The following TAFA2 variants were observed in gnomAD, a reference collection of about 807,000 sequenced individuals.
TAFA2 encodes TAFA chemokine like family member 2, also known as chemokine-like protein TAFA-2.
Under a neutral mutation model 18.8 loss-of-function variants are expected in TAFA2, and 7 were observed. That is an observed-to-expected ratio of 0.37 (90% confidence interval 0.21 to 0.70). The LOEUF is 0.70. Among genes scored for constraint, TAFA2 ranks in the 30% least tolerant of loss-of-function variants. The pLI is 0.53. For synonymous variants in TAFA2, 60 were observed against 54.2 expected, an observed-to-expected ratio of 1.11 and a Z score of -0.47; for missense variants, 122 against 158.1, an observed-to-expected ratio of 0.77 and a Z score of 1.23.
At position 61,881,807 on chromosome 12, in the gene TAFA2, A is replaced by T. The variant is rs868325372; in HGVS notation, c.-1-14381T>A. ...AATCTCATTTTAAAGAACATTCTGC[A>T]TGTCAAATACAGCCTGGGGGCCACC... On this transcript the variant is annotated intron_variant, in intron 1 of 4. Transcript: ENST00000416284. 5.9e-5 allele frequency among the ~76,000 whole-genome samples: 9 copies of T among 152,198 alleles called. No homozygotes were observed. The Middle Eastern group carries it at 0.01, about 173-fold the overall frequency.
At chr12:62,251,203 C>A (rs2062912146) in intron 1 of TAFA2, among the ~76,000 whole-genome samples, 1 of 151,968 alleles carries the variant, frequency 6.6e-6, no homozygotes, top group East Asian at 1.9e-4. Context: ...TATGCAGTGG[C>A]AAAACATTTG....
chr12:62,195,193 C>T (rs1205043725), upstream of TAFA2, among the ~76,000 whole-genome samples: 1 of 152,200 alleles, frequency 6.6e-6, no homozygotes, highest in East Asian at 1.9e-4. Context: ...GCATTTTATC[C>T]ACAGTAGAAC....
intron 4 of TAFA2, among the ~76,000 whole-genome samples, chr12:61,737,654 A>C (rs1253668644): frequency 6.6e-6 from 1 of 151,970 alleles, no homozygotes; most frequent in East Asian, 1.9e-4. Context: ...CACTGCTATG[A>C]AGGTTAAGTG....
At chr12:62,044,706 T>G (rs1420860938) in intron 1 of TAFA2, among the ~76,000 whole-genome samples, 2 of 152,126 alleles carry the variant, frequency 1.3e-5, no homozygotes, top group East Asian at 3.8e-4. Context: ...GCCAACTGGT[T>G]TTGGAAAAGT....
chr12:61,986,739 A>G (rs1879834126), intron 1 of TAFA2, among the ~76,000 whole-genome samples: 3 of 152,214 alleles, frequency 2.0e-5, no homozygotes, highest in Non-Finnish European at 2.9e-5. Flanking sequence ...AAGTTGCAAC[A>G]AAAGGTATTA....
At chr12:62,086,206 A>AC (rs35447115) in intron 1 of TAFA2, among the ~76,000 whole-genome samples, 28,086 of 151,116 alleles carry the variant, frequency 0.19, 2,812 homozygotes, top group East Asian at 0.39. Context: ...AAAAAAAAAA[A>AC]CAGGAAAAAG....
intron 1 of TAFA2, among the ~76,000 whole-genome samples, chr12:62,202,041 T>A (rs2062673007): frequency 6.6e-6 from 1 of 152,228 alleles, no homozygotes; most frequent in African/African-American, 2.4e-5. Flanking sequence ...GTGTTTATAG[T>A]ATTCTCTGAC....
chr12:61,923,565 C>T (rs546157087), intron 1 of TAFA2, among the ~76,000 whole-genome samples: 1 of 152,052 alleles, frequency 6.6e-6, no homozygotes, highest in Admixed American at 6.6e-5. Flanking sequence ...GATGCCCACA[C>T]AAAAATGCCA....
intron 1 of TAFA2, among the ~76,000 whole-genome samples, chr12:62,057,230 T>C (rs1882211120): frequency 6.6e-6 from 1 of 152,226 alleles, no homozygotes; most frequent in Non-Finnish European, 1.5e-5. Flanking sequence ...TTTCCCCCTT[T>C]TGTTTAAGTT....
intron 1 of TAFA2, among the ~76,000 whole-genome samples, chr12:61,950,617 TTTG>T (rs768788395): frequency 2.0e-5 from 3 of 152,162 alleles, no homozygotes; most frequent in Non-Finnish European, 4.4e-5. Context: ...TATTTGATCT[TTTG>T]TTGTTGTTGA....
At chr12:62,132,332 G>A (rs375394667) in intron 1 of TAFA2, among the ~76,000 whole-genome samples, 1 of 151,570 alleles carries the variant, frequency 6.6e-6, no homozygotes, top group Non-Finnish European at 1.5e-5. Context: ...AGGAGACACT[G>A]AGGGTATCTC....
intron 2 of TAFA2, among the ~76,000 whole-genome samples, chr12:61,811,031 T>G (rs12316736): frequency 6.6e-6 from 1 of 150,946 alleles, no homozygotes; most frequent in Non-Finnish European, 1.5e-5. Flanking sequence ...AATTAATACA[T>G]GTAGACAAAT....
At chr12:62,156,447 A>C (rs1408859081) in intron 1 of TAFA2, among the ~76,000 whole-genome samples, 1 of 152,206 alleles carries the variant, frequency 6.6e-6, no homozygotes, top group Admixed American at 6.5e-5. Flanking sequence ...ACTACTAGGT[A>C]TCTACCCAGA....
At chr12:61,711,824 G>A (rs1869422587) in intron 4 of TAFA2, among the ~76,000 whole-genome samples, 1 of 152,012 alleles carries the variant, frequency 6.6e-6, no homozygotes, top group Non-Finnish European at 1.5e-5. Context: ...GCCAAGGATG[G>A]AGGGTTGGAA....
At chr12:61,821,233 C>G (rs1185225097) in intron 2 of TAFA2, among the ~76,000 whole-genome samples, 1 of 151,788 alleles carries the variant, frequency 6.6e-6, no homozygotes, top group Non-Finnish European at 1.5e-5. Flanking sequence ...CTTACTTCCT[C>G]TAGTTAAAAG....
chr12:61,995,529 A>T (rs911307730), intron 1 of TAFA2, among the ~76,000 whole-genome samples: 4 of 152,174 alleles, frequency 2.6e-5, no homozygotes, highest in Admixed American at 6.5e-5. Flanking sequence ...ATTAGAATAC[A>T]GCCTGGGACC....
At chr12:62,044,661 A>G (rs1435304069) in intron 1 of TAFA2, among the ~76,000 whole-genome samples, 1 of 152,148 alleles carries the variant, frequency 6.6e-6, no homozygotes, top group African/African-American at 2.4e-5. Context: ...CAACAGTCCT[A>G]GGCAGACTTC....
At chr12:62,230,340 C>CATTT in intron 1 of TAFA2, among the ~76,000 whole-genome samples, 1 of 152,074 alleles carries the variant, frequency 6.6e-6, no homozygotes, top group South Asian at 2.1e-4. Context: ...TTGATGTAAG[C>CATTT]ATTTATTGCT....
intron 1 of TAFA2, among the ~76,000 whole-genome samples, chr12:62,219,282 G>A (rs1163466294): frequency 2.6e-5 from 4 of 151,894 alleles, no homozygotes; most frequent in African/African-American, 4.8e-5. Context: ...AATTAGCTTC[G>A]GTTAAAACTG....
Sources: gnomAD v4.1 joint callset for allele counts (sites outside exome capture counted in the v4.1 genomes callset) on GRCh38, gnomAD v4.1.1 for gene constraint, MANE v1.5 for transcripts, NCBI Gene and HGNC (gene_info 2026-07-23, HGNC 2026-07-21) for gene names.